The following IRAK3 variants were observed in gnomAD, a reference collection of about 807,000 sequenced individuals.
IRAK3 encodes the protein interleukin-1 receptor-associated kinase 3.
A neutral mutation model predicts 56.6 loss-of-function variants in IRAK3; 57 were observed. That is an observed-to-expected ratio of 1.01 (90% CI 0.81 to 1.26). IRAK3 has a LOEUF of 1.26. IRAK3 is among the 50% of genes most tolerant of loss of function. The pLI is 0.00. For synonymous variants in IRAK3, 258 were observed against 255.7 expected (o/e 1.01, Z -0.09); for missense variants, 703 against 719.0 (o/e 0.98, Z 0.25).
intron 1 of IRAK3, among the ~76,000 whole-genome samples, chr12:66,199,204 G>T (rs949948474): frequency 6.6e-6 from 1 of 152,110 alleles, no homozygotes; most frequent in African/African-American, 2.4e-5. Context: ...AACAGGCCAG[G>T]GAAGAGCAAG....
chr12:66,198,129 T>C (rs2052472439), intron 1 of IRAK3: 1 of 982,398 alleles, frequency 1.0e-6, no homozygotes, highest in Non-Finnish European at 1.2e-6. Context: ...CGATGCATCT[T>C]CCAAAAGGTA....
intron 4 of IRAK3, among the ~76,000 whole-genome samples, chr12:66,210,493 G>A (rs1282535813): frequency 1.3e-5 from 2 of 152,124 alleles, no homozygotes; most frequent in African/African-American, 2.4e-5. Context: ...TGTGTCATGG[G>A]AAAACATTTT....
chr12:66,225,917 A>G (rs1373165397), intron 6 of IRAK3, among the ~76,000 whole-genome samples: 1 of 152,226 alleles, frequency 6.6e-6, no homozygotes, highest in Non-Finnish European at 1.5e-5. Context: ...TATCTAGCAC[A>G]GTACCTGACA....
At chr12:66,232,470 A>G (rs1307055056) in intron 8 of IRAK3, among the ~76,000 whole-genome samples, 1 of 152,178 alleles carries the variant, frequency 6.6e-6, no homozygotes, top group Non-Finnish European at 1.5e-5. Context: ...GTGTTTGGTG[A>G]TATGCACACC....
chr12:66,245,876 C>A (rs183659674), intron 11 of IRAK3, among the ~76,000 whole-genome samples: 58 of 152,110 alleles, frequency 3.8e-4, no homozygotes, highest in African/African-American at 1.4e-3. Flanking sequence ...ATTTATTAAT[C>A]TATCCATAGA....
intron 5 of IRAK3, among the ~76,000 whole-genome samples, chr12:66,215,790 A>ACGTGCGCGCGCGCGCACT: frequency 9.7e-6 from 1 of 103,152 alleles, no homozygotes; most frequent in African/African-American, 3.1e-5. Flanking sequence ...CAACATGCAC[A>ACGTGCGCGCGCGCGCACT]CACACACACA....
chr12:66,236,290 T>G (rs763137383), intron 8 of IRAK3, among the ~76,000 whole-genome samples: 2 of 150,320 alleles, frequency 1.3e-5, no homozygotes, highest in Non-Finnish European at 2.9e-5. Context: ...GGCTCACACC[T>G]ATAATCCTAG....
At chr12:66,202,245 C>G (rs2052515119) in intron 1 of IRAK3, among the ~76,000 whole-genome samples, 1 of 152,106 alleles carries the variant, frequency 6.6e-6, no homozygotes, top group African/African-American at 2.4e-5. Flanking sequence ...AGTGTACATA[C>G]CTACATTTCC....
intron 6 of IRAK3, 73 bp from the exon 7 acceptor site, chr12:66,226,650 C>T: frequency 1.2e-6 from 1 of 852,404 alleles, no homozygotes; most frequent in African/African-American, 1.7e-5. Flanking sequence ...CCTTACTACC[C>T]CCACACCAGT....
chr12:66,209,829 G>A (rs1440528230), intron 3 of IRAK3, among the ~76,000 whole-genome samples: 3 of 152,108 alleles, frequency 2.0e-5, no homozygotes, highest in Non-Finnish European at 2.9e-5. Flanking sequence ...TTTGGTTGGT[G>A]TTTTGCATGT....
intron 1 of IRAK3, among the ~76,000 whole-genome samples, chr12:66,203,268 A>T (rs1186975306): frequency 1.3e-5 from 2 of 152,178 alleles, no homozygotes; most frequent in Non-Finnish European, 2.9e-5. Context: ...AAAAATAAAC[A>T]TTATTATTGA....
At chr12:66,203,926 T>A (rs1032725576) in intron 2 of IRAK3, 33 bp downstream of exon 2, 1 of 1,533,250 alleles carries the variant, frequency 6.5e-7, no homozygotes, top group Admixed American at 1.7e-5. Context: ...TGGCTCTTAA[T>A]CTGTAATAGG....
Position 66,228,337 on chromosome 12 carries a change from A to G in IRAK3, c.854A>G (p.Gln285Arg). 2 of 1,614,026 alleles carry G rather than the reference A, an allele frequency of 1.2e-6. No individual in the cohort carries two copies. Among genetic ancestry groups the G allele is most frequent in the Non-Finnish European group, 1.7e-6 (2 of 1,179,868 alleles). Residue 285 changes from glutamine (Q) to arginine (R), a missense_variant, in exon 8 of 12, where the codon CAA becomes CGA. By Grantham distance (43) the Gln-to-Arg change is conservative. Transcript: ENST00000261233. ...SKAIHYLHNV[Q>R]PCSVICGSIS... ...GCCATTCACTACCTGCACAACGTTC[A>G]ACCATGCTCGGTCATCTGTGGCAGT...
At chr12:66,233,462 G>A (rs2052866013) in intron 8 of IRAK3, among the ~76,000 whole-genome samples, 1 of 151,796 alleles carries the variant, frequency 6.6e-6, no homozygotes, top group African/African-American at 2.4e-5. Flanking sequence ...AGCTTGCAGT[G>A]AGCCGAGATC....
intron 9 of IRAK3, 44 bp from the exon 10 acceptor site, chr12:66,244,904 A>G (rs1374922722): frequency 4.2e-6 from 6 of 1,416,548 alleles, no homozygotes; most frequent in Non-Finnish European, 6.0e-6. Context: ...AATTGTGTGT[A>G]TATTTTTAAG....
In IRAK3 at chr12:66,211,582, C is replaced by T; in HGVS notation, c.573C>T (p.Val191=). The change falls in exon 5 of 12, where the codon GTC becomes GTT. Residue 191 remains valine (V), a synonymous_variant. Coordinates refer to ENST00000261233, the MANE Select transcript of IRAK3 (RefSeq NM_007199.3). ...AGATTCAAAACCTAACATATGCTGT[C>T]AAATTATTTAAACAGGTATGGAAAG... ...RVEIQNLTYA[V]KLFKQEKKMQ... 1 of 1,611,080 alleles carries T rather than the reference C, an allele frequency of 6.2e-7. No individual in the cohort carries two copies. Among genetic ancestry groups the T allele is most frequent in the Non-Finnish European group, 8.5e-7 (1 of 1,177,524 alleles).
chr12:66,244,213 T>A (rs1167455045), intron 8 of IRAK3, among the ~76,000 whole-genome samples: 1 of 152,266 alleles, frequency 6.6e-6, no homozygotes, highest in African/African-American at 2.4e-5. Context: ...TGAGAAAGCA[T>A]CAGCTTTATC....
chr12:66,206,942 C>T (rs1016478389), intron 2 of IRAK3, among the ~76,000 whole-genome samples: 2 of 152,104 alleles, frequency 1.3e-5, no homozygotes, highest in African/African-American at 4.8e-5. Context: ...TAGTTTGTGT[C>T]TTCCTAGAAA....
chr12:66,222,758 G>A (rs923707484), intron 6 of IRAK3, among the ~76,000 whole-genome samples: 2 of 151,768 alleles, frequency 1.3e-5, no homozygotes, highest in Non-Finnish European at 2.9e-5. Context: ...GTTATGAGAC[G>A]CAAATAATTT....
Sources: gnomAD v4.1 joint callset for allele counts (sites outside exome capture counted in the v4.1 genomes callset) on GRCh38, gnomAD v4.1.1 for gene constraint, MANE v1.5 for transcripts, NCBI Gene and HGNC (gene_info 2026-07-23, HGNC 2026-07-21) for gene names.